The following DAB1 variants were observed in gnomAD, a reference collection of about 807,000 sequenced individuals.
DAB1 encodes DAB adaptor protein 1, also known as disabled homolog 1.
In DAB1, 15 loss-of-function variants were observed where a neutral mutation model predicts 64.6. The ratio of observed to expected loss-of-function variants is 0.23; its 90% CI spans 0.16 to 0.36. The LOEUF is 0.36. Ranked by LOEUF, DAB1 falls within the 10% of genes least tolerant of loss-of-function variation. DAB1 has a pLI of 1.00. For missense variants in DAB1, 596 were observed against 706.7 expected (o/e 0.84, Z 1.78); for synonymous variants, 235 against 251.9 (o/e 0.93, Z 0.64).
chr1:57,540,474 T>C (rs1331407977), intron 7 of DAB1, among the ~76,000 whole-genome samples: 5 of 152,172 alleles, frequency 3.3e-5, no homozygotes, highest in African/African-American at 9.7e-5. Context: ...CAAATAGGTA[T>C]ATCAAAGGGA....
chr1:57,342,037 A>G (rs1352409386), intron 1 of DAB1, among the ~76,000 whole-genome samples: 1 of 152,218 alleles, frequency 6.6e-6, no homozygotes. Flanking sequence ...TGGGATAGGT[A>G]CTATTATTAT....
chr1:57,323,456 T>A (rs1230273566), intron 1 of DAB1, among the ~76,000 whole-genome samples: 1 of 152,006 alleles, frequency 6.6e-6, no homozygotes, highest in East Asian at 1.9e-4. Context: ...ATAGGGCCCA[T>A]TCAGGGGCCT....
chr1:58,052,658 T>C (rs1196408189), intron 5 of DAB1, among the ~76,000 whole-genome samples: 2 of 152,212 alleles, frequency 1.3e-5, no homozygotes, highest in African/African-American at 2.4e-5. Flanking sequence ...TTTCATGATA[T>C]TGATTCTTCC....
intron 6 of DAB1, among the ~76,000 whole-genome samples, chr1:57,747,396 T>C (rs1648328335): frequency 6.6e-6 from 1 of 152,146 alleles, no homozygotes; most frequent in South Asian, 2.1e-4. Flanking sequence ...AATTCACACA[T>C]TTGTCTTCAG....
intron 1 of DAB1, among the ~76,000 whole-genome samples, chr1:57,412,920 G>T (rs1386735891): frequency 6.6e-6 from 1 of 152,250 alleles, no homozygotes; most frequent in African/African-American, 2.4e-5. Context: ...TATATTGGAA[G>T]AAGGTGTTAT....
chr1:57,151,057 C>T (rs184412361), intron 2 of DAB1, among the ~76,000 whole-genome samples: 1 of 152,202 alleles, frequency 6.6e-6, no homozygotes, highest in Admixed American at 6.5e-5. Context: ...GAGCCAGGGC[C>T]AATTAATGTA....
chr1:57,432,906 CAG>C lies in DAB1; in HGVS notation n.626-141742_626-141741del, dbSNP rs143624140. Among the ~76,000 whole-genome samples the C allele has an allele frequency of 3.0e-3, 464 of 152,200 alleles. 2 individuals are homozygous for C. Among genetic ancestry groups the C allele is most frequent in the African/African-American group, 0.01 (435 of 41,542 alleles). ...TCATTTTACAAGTTAGAAATAAATT[CAG>C]AGAGGTTAAATTATTTACCAAAATT... is the stretch of plus-strand genomic sequence containing the variant. On this transcript the variant is annotated intron_variant and non_coding_transcript_variant, in intron 7 of 20. Coordinates refer to the DAB1 transcript ENST00000485760.
intron 6 of DAB1, among the ~76,000 whole-genome samples, chr1:57,661,986 A>G (rs1646392041): frequency 6.6e-6 from 1 of 152,034 alleles, no homozygotes; most frequent in African/African-American, 2.4e-5. Flanking sequence ...GGTGACCGTA[A>G]AGATAAAATA....
At chr1:57,106,611 T>C (rs767204222) in intron 4 of DAB1, among the ~76,000 whole-genome samples, 3 of 152,184 alleles carry the variant, frequency 2.0e-5, no homozygotes, top group African/African-American at 7.2e-5. Flanking sequence ...TTCACTCATA[T>C]ATCACAAGGC....
intron 7 of DAB1, among the ~76,000 whole-genome samples, chr1:57,574,727 A>G (rs529232158): frequency 6.6e-6 from 1 of 152,318 alleles, no homozygotes; most frequent in South Asian, 2.1e-4. Flanking sequence ...GTCACAAAGT[A>G]CATGCCAGAT....
In DAB1 at chr1:58,530,461, A is replaced by G. The variant is rs1247510484; in HGVS notation, n.33-3126T>C. 4 of 540,726 alleles carry G rather than the reference A, an allele frequency of 7.4e-6. No individual in the cohort carries two copies. The African/African-American group carries it at 7.5e-5, about 10-fold the overall frequency. The allele number at this position is 540,726 out of a possible 1,614,324, so 33.5% of individuals were successfully genotyped here. A position where few individuals can be genotyped will look rare whatever the true frequency, so the allele number is the denominator to read the frequency against. On this transcript the variant is annotated intron_variant and non_coding_transcript_variant, in intron 1 of 20. Transcript: ENST00000485760. Reference sequence around the variant, plus strand: ...TATATAAGAATATCCCCTAAAAACGAGAAAACATAAGACACTAAAAATTCG... The same window carrying G: ...TATATAAGAATATCCCCTAAAAACGGGAAAACATAAGACACTAAAAATTCG...
chr1:57,492,281 C>T (rs1373866331), intron 7 of DAB1, among the ~76,000 whole-genome samples: 2 of 152,210 alleles, frequency 1.3e-5, no homozygotes, highest in East Asian at 3.9e-4. Context: ...ATTTATGTTC[C>T]AGCATTACTG....
At chr1:57,085,726 A>G (rs1653005305) in intron 4 of DAB1, among the ~76,000 whole-genome samples, 1 of 152,192 alleles carries the variant, frequency 6.6e-6, no homozygotes, top group African/African-American at 2.4e-5. Context: ...AAGTGCTCCC[A>G]TGTTCGTTTT....
chr1:57,978,275 A>G (rs973086787), intron 5 of DAB1, among the ~76,000 whole-genome samples: 1 of 152,180 alleles, frequency 6.6e-6, no homozygotes, highest in Non-Finnish European at 1.5e-5. Flanking sequence ...ATCTACAACA[A>G]TCTGATCTTT....
intron 4 of DAB1, among the ~76,000 whole-genome samples, chr1:57,116,461 CAAAAAAAAAA>C (rs61590002): frequency 5.6e-5 from 4 of 71,972 alleles, no homozygotes; most frequent in Middle Eastern, 9.8e-3. Flanking sequence ...GACTCTGTCT[CAAAAAAAAAA>C]AAAAAAAAAA....
chr1:58,025,665 A>G (rs974126990), intron 5 of DAB1, among the ~76,000 whole-genome samples: 98 of 140,680 alleles, frequency 7.0e-4, no homozygotes, highest in African/African-American at 1.5e-3. Context: ...ATATATATAT[A>G]TATATATATA....
chr1:57,599,788 G>T (rs1308902434), intron 7 of DAB1, among the ~76,000 whole-genome samples: 2 of 152,064 alleles, frequency 1.3e-5, no homozygotes, highest in South Asian at 2.1e-4. Context: ...TCCCCAGCCC[G>T]GTGCCTGTAG....
intron 4 of DAB1, among the ~76,000 whole-genome samples, chr1:58,234,638 CA>C (rs149709747): frequency 0.013 from 2,014 of 152,282 alleles, 44 homozygotes; most frequent in African/African-American, 0.046. Context: ...CTAAGTCACT[CA>C]CCACCATTCA....
chr1:57,178,895 G>A (rs561143856), intron 2 of DAB1, among the ~76,000 whole-genome samples: 3 of 151,870 alleles, frequency 2.0e-5, no homozygotes, highest in South Asian at 2.1e-4. Flanking sequence ...CACCCCCATC[G>A]CCACCTCCTG....
Sources: gnomAD v4.1 joint callset for allele counts (sites outside exome capture counted in the v4.1 genomes callset) on GRCh38, gnomAD v4.1.1 for gene constraint, MANE v1.5 for transcripts, NCBI Gene and HGNC (gene_info 2026-07-23, HGNC 2026-07-21) for gene names.